Variants in SYNPR observed in about 807,000 individuals in gnomAD.
SYNPR encodes the protein synaptoporin.
Under a neutral mutation model 32.9 loss-of-function variants are expected in SYNPR, and 23 were observed. That is an observed-to-expected ratio of 0.70 (90% CI 0.50 to 0.99). The LOEUF is 0.99. Ranked by LOEUF, SYNPR falls within the 50% of genes least tolerant of loss-of-function variation. The pLI is 0.00. For synonymous variants in SYNPR, 146 were observed against 135.9 expected, an observed-to-expected ratio of 1.07 and a Z score of -0.52; for missense variants, 318 against 349.3, an observed-to-expected ratio of 0.91 and a Z score of 0.71.
chr3:63,386,373 C>G (rs1438047153), intron 2 of SYNPR, among the ~76,000 whole-genome samples: 2 of 152,134 alleles, frequency 1.3e-5, no homozygotes, highest in Non-Finnish European at 2.9e-5. Context: ...GTTCTATTGC[C>G]GCCTGCCATC....
intron 5 of SYNPR, among the ~76,000 whole-genome samples, chr3:63,612,899 C>CCTCCT (rs1379156049): frequency 2.0e-5 from 3 of 148,192 alleles, no homozygotes; most frequent in Non-Finnish European, 4.5e-5. Flanking sequence ...CCTCCACTCC[C>CCTCCT]CTCCTCTCCT....
intron 2 of SYNPR, among the ~76,000 whole-genome samples, chr3:63,289,786 T>C (rs1440821623): frequency 6.6e-6 from 1 of 152,136 alleles, no homozygotes; most frequent in East Asian, 1.9e-4. Context: ...TATTAAGTGC[T>C]ATGCACATGT....
chr3:63,367,342 A>T (rs1575612278), intron 2 of SYNPR, among the ~76,000 whole-genome samples: 1 of 143,686 alleles, frequency 7.0e-6, no homozygotes, highest in South Asian at 2.4e-4. Flanking sequence ...TCACTGTTGA[A>T]TTATTTATTT....
intron 2 of SYNPR, among the ~76,000 whole-genome samples, chr3:63,400,668 G>A (rs563025947): frequency 9.9e-4 from 151 of 152,240 alleles, no homozygotes; most frequent in African/African-American, 3.4e-3. Flanking sequence ...ATGAGTCACC[G>A]AACTGAGCCC....
chr3:63,464,301 C>T (rs1700639492), intron 2 of SYNPR, among the ~76,000 whole-genome samples: 1 of 152,168 alleles, frequency 6.6e-6, no homozygotes, highest in Admixed American at 6.6e-5. Context: ...TTTACAAACA[C>T]TCCCACTGTA....
intron 2 of SYNPR, chr3:63,351,367 C>A (rs892682568): frequency 6.6e-6 from 1 of 152,128 alleles, no homozygotes; most frequent in Non-Finnish European, 1.5e-5. Flanking sequence ...GTAGAGGGTA[C>A]GTGTGCTTTT....
intron 2 of SYNPR, among the ~76,000 whole-genome samples, chr3:63,410,768 T>C (rs575550932): frequency 4.6e-5 from 7 of 152,208 alleles, no homozygotes; most frequent in African/African-American, 1.4e-4. Flanking sequence ...AAATGAGTAA[T>C]CTGAGGAAAA....
intron 4 of SYNPR, among the ~76,000 whole-genome samples, chr3:63,587,125 T>G (rs1703199045): frequency 6.6e-6 from 1 of 151,706 alleles, no homozygotes; most frequent in African/African-American, 2.4e-5. Context: ...GAATCCAGTT[T>G]GAAAAAAAAA....
At chr3:63,251,386 A>G (rs543803122) in intron 1 of SYNPR, among the ~76,000 whole-genome samples, 5 of 152,274 alleles carry the variant, frequency 3.3e-5, no homozygotes, top group African/African-American at 1.2e-4. Context: ...TGTGCCCCAG[A>G]AAGGAGCCTT....
chr3:63,250,907 C>A (rs2086325838), intron 1 of SYNPR, among the ~76,000 whole-genome samples: 1 of 151,978 alleles, frequency 6.6e-6, no homozygotes, highest in Admixed American at 6.6e-5. Flanking sequence ...ATTTTTTTGG[C>A]TGTTTTCTTT....
intron 2 of SYNPR, among the ~76,000 whole-genome samples, chr3:63,294,605 T>C (rs1288180323): frequency 6.6e-6 from 1 of 152,172 alleles, no homozygotes; most frequent in Non-Finnish European, 1.5e-5. Flanking sequence ...ATTTAGATTG[T>C]TGTTCTTTGA....
chr3:63,554,004 G>A (rs891435767), intron 3 of SYNPR, among the ~76,000 whole-genome samples: 3 of 152,230 alleles, frequency 2.0e-5, no homozygotes, highest in South Asian at 2.1e-4. Flanking sequence ...TTACAGGCGT[G>A]AGCCACCATG....
Position 63,612,590 on chromosome 3 carries a change from A to G in SYNPR, c.601-2634A>G, listed in dbSNP as rs115890786. Among the ~76,000 whole-genome samples the G allele has an allele frequency of 2.7e-3, 405 of 152,286 alleles. 1 individual carries two copies. Among genetic ancestry groups the G allele is most frequent in the African/African-American group, 9.4e-3 (390 of 41,548 alleles). On this transcript the variant is annotated intron_variant, in intron 5 of 5. Transcript: ENST00000478300. ...ACATTCTTACCCCAATTTCAGTTCC[A>G]ACAAAATAGCAAAAAAGAGTTCAAG...
chr3:63,201,440 A>G, the SYNPR span, among the ~76,000 whole-genome samples: 1 of 152,176 alleles, frequency 6.6e-6, no homozygotes, highest in Non-Finnish European at 1.5e-5. Flanking sequence ...TCTCTGTGGG[A>G]CAGACAGCAA....
chr3:63,344,373 G>C (rs2087409456), intron 2 of SYNPR, among the ~76,000 whole-genome samples: 1 of 152,046 alleles, frequency 6.6e-6, no homozygotes, highest in South Asian at 2.1e-4. Context: ...TTTCAGAAGT[G>C]CTGCTTTTTT....
intron 4 of SYNPR, among the ~76,000 whole-genome samples, chr3:63,603,033 G>A (rs572985876): frequency 6.6e-6 from 1 of 151,984 alleles, no homozygotes; most frequent in Non-Finnish European, 1.5e-5. Context: ...GCAGTGTTTT[G>A]TAATTCTCAT....
intron 2 of SYNPR, among the ~76,000 whole-genome samples, chr3:63,389,406 G>A (rs2088101313): frequency 6.6e-6 from 1 of 152,164 alleles, no homozygotes; most frequent in Non-Finnish European, 1.5e-5. Context: ...CTCTCCCAAC[G>A]ATGGAAAGTG....
intron 2 of SYNPR, among the ~76,000 whole-genome samples, chr3:63,447,619 A>C (rs1446227972): frequency 6.7e-6 from 1 of 149,722 alleles, no homozygotes; most frequent in Non-Finnish European, 1.5e-5. Flanking sequence ...TAAATCTTCT[A>C]GAAGAGGCTC....
intron 2 of SYNPR, among the ~76,000 whole-genome samples, chr3:63,299,578 A>G (rs554152682): frequency 5.1e-4 from 78 of 152,270 alleles, no homozygotes; most frequent in African/African-American, 1.8e-3. Context: ...TGGTTCAGCT[A>G]GGATCCTACA....
Sources: allele counts gnomAD v4.1 joint callset (sites outside exome capture counted in the v4.1 genomes callset), GRCh38; gene constraint gnomAD v4.1.1; transcripts MANE v1.5; gene names NCBI Gene and HGNC (gene_info 2026-07-23, HGNC 2026-07-21).